Variants in VPS35L observed in about 807,000 individuals in gnomAD.
VPS35L encodes VPS35 endosomal protein-sorting factor-like.
A neutral mutation model predicts 133.0 loss-of-function variants in VPS35L; 83 were observed. The observed-to-expected ratio is 0.62, with a 90% CI of 0.52 to 0.75. The LOEUF is 0.75. Ranked by LOEUF, VPS35L falls within the 30% of genes least tolerant of loss-of-function variation. The pLI is 0.00. For missense variants in VPS35L, 1,083 were observed against 1,206.8 expected, an observed-to-expected ratio of 0.90 and a Z score of 1.52; for synonymous variants, 423 against 449.9, an observed-to-expected ratio of 0.94 and a Z score of 0.76.
chr16:19,650,552 G>A (rs1272076537), intron 25 of VPS35L, 93 bp downstream of exon 25: 1 of 1,038,802 alleles, frequency 9.6e-7, no homozygotes, highest in South Asian at 1.3e-5. Flanking sequence ...AAAAAGATGA[G>A]TATGTCATGA....
At chr16:19,605,100 C>G (rs1972500489) in intron 9 of VPS35L, among the ~76,000 whole-genome samples, 1 of 152,160 alleles carries the variant, frequency 6.6e-6, no homozygotes, top group Non-Finnish European at 1.5e-5. Flanking sequence ...GCCTTTCCAG[C>G]ACATGCTAAC....
chr16:19,563,177 T>C (rs1457327111), intron 1 of VPS35L, among the ~76,000 whole-genome samples: 3 of 151,950 alleles, frequency 2.0e-5, no homozygotes, highest in Admixed American at 1.3e-4. Flanking sequence ...ATCTTTAAAA[T>C]GCTCAAAGAA....
chr16:19,693,810 G>A (rs183058417), intron 29 of VPS35L, among the ~76,000 whole-genome samples: 2,099 of 151,608 alleles, frequency 0.014, 43 homozygotes, highest in African/African-American at 0.048. Context: ...TTACCCGGGC[G>A]TGGTGGTGAG....
chr16:19,643,916 C>G (rs941192403), intron 22 of VPS35L, among the ~76,000 whole-genome samples: 3 of 152,110 alleles, frequency 2.0e-5, no homozygotes, highest in African/African-American at 7.2e-5. Flanking sequence ...CAAGATCATG[C>G]CATTGCACTC....
At chr16:19,561,006 T>C (rs1156983249) in intron 1 of VPS35L, among the ~76,000 whole-genome samples, 1 of 152,176 alleles carries the variant, frequency 6.6e-6, no homozygotes. Context: ...ATGAAGATAG[T>C]GTATATTTTG....
intron 17 of VPS35L, among the ~76,000 whole-genome samples, chr16:19,629,520 A>G (rs1171207394): frequency 6.6e-6 from 1 of 152,236 alleles, no homozygotes; most frequent in Non-Finnish European, 1.5e-5. Flanking sequence ...CATTACAGAT[A>G]TTTGAAACTT....
intron 8 of VPS35L, among the ~76,000 whole-genome samples, chr16:19,599,315 TC>T (rs1285177588): frequency 6.6e-6 from 1 of 152,152 alleles, no homozygotes; most frequent in African/African-American, 2.4e-5. Flanking sequence ...TTTTCAATAG[TC>T]CCAGGTGCTT....
intron 27 of VPS35L, among the ~76,000 whole-genome samples, chr16:19,670,396 G>T (rs924306571): frequency 1.3e-5 from 2 of 152,222 alleles, no homozygotes; most frequent in African/African-American, 2.4e-5. Flanking sequence ...CCTTCTTCCA[G>T]CTCTGCGTTC....
chr16:19,569,612 T>C, intron 3 of VPS35L, 21 bp downstream of exon 3: 1 of 1,516,768 alleles, frequency 6.6e-7, no homozygotes, highest in South Asian at 1.3e-5. Flanking sequence ...CCAGCCATGG[T>C]CGTCCAGTGG....
At chr16:19,568,441 G>A (rs1597309104) in intron 2 of VPS35L, among the ~76,000 whole-genome samples, 1 of 151,364 alleles carries the variant, frequency 6.6e-6, no homozygotes, top group South Asian at 2.1e-4. Flanking sequence ...CGTTGCATAG[G>A]CATGATTGAT....
chr16:19,600,165 T>C (rs1270990007), intron 8 of VPS35L, among the ~76,000 whole-genome samples: 1 of 152,162 alleles, frequency 6.6e-6, no homozygotes. Context: ...GATCCCACGT[T>C]CTTTAACCTG....
intron 1 of VPS35L, among the ~76,000 whole-genome samples, chr16:19,557,533 C>A (rs1300992867): frequency 6.6e-6 from 1 of 151,962 alleles, no homozygotes; most frequent in Admixed American, 6.6e-5. Flanking sequence ...ACAGGCGATG[C>A]CACCACACCA....
intron 27 of VPS35L, among the ~76,000 whole-genome samples, chr16:19,669,659 CTCTTTCTG>C (rs1228091323): frequency 3.3e-5 from 5 of 150,144 alleles, no homozygotes; most frequent in African/African-American, 1.2e-4. Context: ...CATCTTCTCT[CTCTTTCTG>C]TCTCTCTTTT....
intron 5 of VPS35L, among the ~76,000 whole-genome samples, chr16:19,576,278 C>T (rs997483547): frequency 2.0e-5 from 3 of 152,100 alleles, no homozygotes; most frequent in African/African-American, 7.2e-5. Flanking sequence ...GCCTCCCTCA[C>T]CAACTGGGTT....
Position 19,564,849 on chromosome 16 carries a change from A to G in VPS35L, c.18-2A>G. ...AATTGGCTGTGTTTCGCTGTTTACCAGGCACTCCAGGAATAGGAACTACAA... is the reference window on the plus strand; with the variant it reads ...AATTGGCTGTGTTTCGCTGTTTACCGGGCACTCCAGGAATAGGAACTACAA... On this transcript the variant is annotated splice_acceptor_variant, in intron 1 of 30. Coordinates refer to ENST00000417362, the MANE Select transcript of VPS35L (RefSeq NM_020314.7). LOFTEE classifies it high-confidence loss of function. 6.2e-7 allele frequency: 1 copy of G among 1,611,710 alleles called. No homozygotes were observed. Among genetic ancestry groups the G allele is most frequent in the Non-Finnish European group, 8.5e-7 (1 of 1,178,174 alleles).
rs1567388802 is a variant in VPS35L at position 19,570,877 on chromosome 16, A to ATTTTT, written c.285+1287_285+1288insTTTTT. Among the ~76,000 whole-genome samples, 42 of 53,700 alleles carry ATTTTT rather than the reference A, an allele frequency of 7.8e-4. 3 individuals are homozygous for ATTTTT. Among genetic ancestry groups the ATTTTT allele is most frequent in the African/African-American group, 3.8e-3 (39 of 10,254 alleles). 35.2% of individuals were successfully genotyped at this position (53,700 alleles called of 152,430 possible). ...TATATATATATATATATATATATAT[A>ATTTTT]TATATATATATATTTTTGAGATGAA... On this transcript the variant is annotated intron_variant, in intron 3 of 30. Coordinates refer to ENST00000417362, the MANE Select transcript of VPS35L (RefSeq NM_020314.7).
chr16:19,668,266 T>A (rs1974760913), intron 26 of VPS35L, among the ~76,000 whole-genome samples: 1 of 152,160 alleles, frequency 6.6e-6, no homozygotes, highest in South Asian at 2.1e-4. Context: ...TTTGATCTTG[T>A]CGGGTAGTTT....
intron 8 of VPS35L, 164 bp from the exon 9 acceptor site, chr16:19,601,499 CA>C: frequency 9.2e-5 from 58 of 628,216 alleles, no homozygotes; most frequent in South Asian, 2.0e-4. Context: ...AAAAACAAAA[CA>C]AAAAAAATGT....
chr16:19,590,219 C>A (rs1301111606), intron 7 of VPS35L, among the ~76,000 whole-genome samples: 3 of 129,860 alleles, frequency 2.3e-5, no homozygotes, highest in Non-Finnish European at 4.6e-5. Context: ...TACTTTTAGG[C>A]CTGTAATGCT....
Sources: allele counts gnomAD v4.1 joint callset (sites outside exome capture counted in the v4.1 genomes callset), GRCh38; gene constraint gnomAD v4.1.1; transcripts MANE v1.5; gene names NCBI Gene and HGNC (gene_info 2026-07-23, HGNC 2026-07-21).